The following ZNF562 variants were observed in gnomAD, a reference collection of about 807,000 sequenced individuals.
The protein encoded by ZNF562 is zinc finger protein 562.
ZNF562 carries 13 observed loss-of-function variants against 17.5 expected under a neutral mutation model. That is an observed-to-expected ratio of 0.74 (90% CI 0.48 to 1.18). The LOEUF (loss-of-function observed/expected upper bound fraction) is 1.18, where lower values mean the gene tolerates loss of function less well. Ranked by LOEUF, ZNF562 falls within the 50% of genes most tolerant of loss-of-function variation. The pLI is 0.00. For missense variants in ZNF562, 481 were observed against 498.5 expected, an observed-to-expected ratio of 0.96 and a Z score of 0.33; for synonymous variants, 163 against 165.4, an observed-to-expected ratio of 0.99 and a Z score of 0.11.
intron 4 of ZNF562, 46 bp from the exon 5 acceptor site, chr19:9,656,699 G>A (rs929936809): frequency 6.3e-7 from 1 of 1,576,588 alleles, no homozygotes; most frequent in African/African-American, 1.4e-5. Context: ...TTAGTCATTT[G>A]TCCTTGTTTT....
chr19:9,656,484 G>C, intron 5 of ZNF562, 63 bp downstream of exon 5: 1 of 1,573,232 alleles, frequency 6.4e-7, no homozygotes, highest in Non-Finnish European at 8.7e-7. Flanking sequence ...ACTTCAGCCT[G>C]GCAGAGCAAG....
chr19:9,662,896 C>G (rs1016674647), intron 1 of ZNF562, among the ~76,000 whole-genome samples: 2 of 151,790 alleles, frequency 1.3e-5, no homozygotes, highest in East Asian at 3.9e-4. Flanking sequence ...ATGCTGTAGT[C>G]CAACCTACTC....
At chr19:9,655,820 C>T (rs983911221) in intron 5 of ZNF562, among the ~76,000 whole-genome samples, 6 of 140,348 alleles carry the variant, frequency 4.3e-5, no homozygotes, top group Admixed American at 3.1e-4. Context: ...TCAGCAACCT[C>T]GGCCTCTGGG....
rs1258148143 is a variant in ZNF562, at chr19:9,642,685, TA to T, written c.*10263del. 1.3e-5 allele frequency: 2 copies of T among 151,704 alleles called. No individual in the cohort carries two copies. Among genetic ancestry groups the T allele is most frequent in the Admixed American group, 6.6e-5 (1 of 15,200 alleles). The allele number at this position is 151,704 out of a possible 1,614,324, so 9.4% of individuals were successfully genotyped here. On this transcript the variant is annotated 3_prime_UTR_variant, in exon 6 of 6. Coordinates refer to ENST00000453372, the MANE Select transcript of ZNF562 (RefSeq NM_001130031.2). ...CAATCTGAACTTTGTATCAAATGGG[TA>T]ATAAGACTATGTAACAGGAACAACA...
chr19:9,658,181 C>G (rs3207336), intron 3 of ZNF562, 46 bp from the exon 4 acceptor site: 47 of 1,585,070 alleles, frequency 3.0e-5, no homozygotes, highest in Non-Finnish European at 3.9e-5. Context: ...AACACTTCCA[C>G]CAATATTCAC....
intron 1 of ZNF562, among the ~76,000 whole-genome samples, chr19:9,666,642 C>T (rs985024423): frequency 2.0e-5 from 3 of 151,596 alleles, no homozygotes; most frequent in Admixed American, 6.6e-5. Context: ...AATTAACCTT[C>T]GGCTAGACTA....
At chr19:9,665,649 A>C (rs1181722180) in intron 1 of ZNF562, among the ~76,000 whole-genome samples, 1 of 152,170 alleles carries the variant, frequency 6.6e-6, no homozygotes, top group African/African-American at 2.4e-5. Flanking sequence ...AGGACTCCCC[A>C]ATTCTGGATG....
chr19:9,669,723 C>CGA (rs1482759071), intron 1 of ZNF562, among the ~76,000 whole-genome samples: 1,645 of 79,824 alleles, frequency 0.021, 28 homozygotes, highest in Non-Finnish European at 0.031. Flanking sequence ...CGCGAGCGCG[C>CGA]GCGCGCGCGC....
In ZNF562 at chr19:9,649,175, AT is replaced by A. The variant is rs1264176643; in HGVS notation, c.*3773del. On this transcript the variant is annotated 3_prime_UTR_variant, in exon 6 of 6. Coordinates refer to ENST00000453372, the MANE Select transcript of ZNF562 (RefSeq NM_001130031.2). ...AATTGTAAAGATTTCATGGACACTTATCACTTCCCCAGTCAATACCCTTGTG... is the reference window on the plus strand; with the variant it reads ...AATTGTAAAGATTTCATGGACACTTACACTTCCCCAGTCAATACCCTTGTG... 6.6e-6 allele frequency: 1 copy of A among 152,156 alleles called. No homozygotes were observed. The highest frequency in any genetic ancestry group is 1.9e-4 in the East Asian group (1 of 5,190). 9.4% of individuals were successfully genotyped at this position (152,156 alleles called of 1,614,324 possible).
At chr19:9,669,734 G>GAA (rs2044097826) in intron 1 of ZNF562, among the ~76,000 whole-genome samples, 1 of 109,302 alleles carries the variant, frequency 9.1e-6, no homozygotes, top group Non-Finnish European at 1.9e-5. Context: ...GCGCGCGCGC[G>GAA]CACACACACA....
chr19:9,669,705 TGCACGCGCGCGAGCGCGCGCGCGCGC>T (rs1286016625), intron 1 of ZNF562, among the ~76,000 whole-genome samples: 21 of 102,996 alleles, frequency 2.0e-4, no homozygotes, highest in Non-Finnish European at 4.0e-4. Context: ...CCTGTCTGCA[TGCACGCGCGCGAGCGCGCGCGCGCGC>T]GCGCACACAC....
chr19:9,664,091 A>G (rs998697856), intron 1 of ZNF562, among the ~76,000 whole-genome samples: 3 of 151,998 alleles, frequency 2.0e-5, no homozygotes, highest in Admixed American at 6.6e-5. Context: ...TTTTTAAGAC[A>G]GAGTTTCACT....
Position 9,652,887 on chromosome 19 carries a change from C to G in ZNF562, c.*62G>C. 7.0e-7 allele frequency: 1 copy of G among 1,421,588 alleles called. No individual in the cohort carries two copies. 88.1% of individuals were successfully genotyped at this position (1,421,588 alleles called of 1,614,324 possible). A position where few individuals can be genotyped will look rare whatever the true frequency, so the allele number is the denominator to read the frequency against. Reference sequence around the variant, plus strand: ...AATTCTTTACATACAAAAGGTTTCTCTCTGGTAGGAGTTCACAGGTGGGGT... The same window carrying G: ...AATTCTTTACATACAAAAGGTTTCTGTCTGGTAGGAGTTCACAGGTGGGGT... On this transcript the variant is annotated 3_prime_UTR_variant, in exon 6 of 6. Transcript: ENST00000453372.
At chr19:9,672,851 C>T (rs1221909761) in intron 1 of ZNF562, among the ~76,000 whole-genome samples, 1 of 148,740 alleles carries the variant, frequency 6.7e-6, no homozygotes, top group Non-Finnish European at 1.5e-5. Flanking sequence ...GGGATCTCGG[C>T]TCAATGCAAC....
intron 3 of ZNF562, 37 bp downstream of exon 3, chr19:9,659,342 G>C (rs1315186201): frequency 1.3e-6 from 2 of 1,511,052 alleles, no homozygotes; most frequent in African/African-American, 2.8e-5. Context: ...TTGGATGTAA[G>C]TATGTCATTT....
rs2074819726 is a variant in ZNF562 at position 9,647,884 on chromosome 19, AG to A, written c.*5064del. 6.6e-6 allele frequency: 1 copy of A among 152,200 alleles called. No homozygotes were observed. The highest frequency in any genetic ancestry group is 6.6e-5 in the Admixed American group (1 of 15,260). 9.4% of individuals were successfully genotyped at this position (152,200 alleles called of 1,614,324 possible). On this transcript the variant is annotated 3_prime_UTR_variant, in exon 6 of 6. Transcript: ENST00000453372. ...GAAACAAACACCAACTCAAAAACAA[AG>A]AAACAAACCAAAAAAATGAAAATAT...
intron 1 of ZNF562, among the ~76,000 whole-genome samples, chr19:9,671,575 C>A (rs143779113): frequency 6.6e-6 from 1 of 152,210 alleles, no homozygotes; most frequent in Admixed American, 6.5e-5. Flanking sequence ...TGTACTTTAA[C>A]GCCCCACACA....
At chr19:9,661,163 T>C (rs1473607704) in intron 1 of ZNF562, among the ~76,000 whole-genome samples, 1 of 152,158 alleles carries the variant, frequency 6.6e-6, no homozygotes, top group Non-Finnish European at 1.5e-5. Flanking sequence ...ATCTATCTAT[T>C]TATTGAGACA....
Position 9,651,446 on chromosome 19 carries a change from G to T in ZNF562, c.*1503C>A, listed in dbSNP as rs573676066. Reference sequence around the variant, plus strand: ...CTGAGTGCTTACAGGAAAATGTGCTGGGAACAGGCCCCCCAAATCTGGCCA... The same window carrying T: ...CTGAGTGCTTACAGGAAAATGTGCTTGGAACAGGCCCCCCAAATCTGGCCA... On this transcript the variant is annotated 3_prime_UTR_variant, in exon 6 of 6. Transcript: ENST00000453372. 1 of 152,186 alleles carries T rather than the reference G, an allele frequency of 6.6e-6. No individual in the cohort carries two copies. Among genetic ancestry groups the T allele is most frequent in the African/African-American group, 2.4e-5 (1 of 41,442 alleles). 9.4% of individuals were successfully genotyped at this position (152,186 alleles called of 1,614,324 possible). A position where few individuals can be genotyped will look rare whatever the true frequency, so the allele number is the denominator to read the frequency against.
Sources: gnomAD v4.1 joint callset for allele counts (sites outside exome capture counted in the v4.1 genomes callset) on GRCh38, gnomAD v4.1.1 for gene constraint, MANE v1.5 for transcripts, NCBI Gene and HGNC (gene_info 2026-07-23, HGNC 2026-07-21) for gene names.